The following TSPAN16 variants were observed in gnomAD, a reference collection of about 807,000 sequenced individuals.
TSPAN16 encodes tetraspanin-16.
In TSPAN16, 23 loss-of-function variants were observed where a neutral mutation model predicts 25.2. The ratio of observed to expected loss-of-function variants is 0.91; its 90% CI spans 0.66 to 1.29. The LOEUF is 1.29. Among genes scored for constraint, TSPAN16 ranks in the 50% most tolerant of loss-of-function variants. The pLI is 0.00. For synonymous variants in TSPAN16, 123 were observed against 124.4 expected (o/e 0.99, Z 0.08); for missense variants, 272 against 299.9 (o/e 0.91, Z 0.69).
At chr19:11,316,005 G>C, downstream of TSPAN16, 3 of 1,205,294 alleles carry the variant, frequency 2.5e-6, no homozygotes, top group Non-Finnish European at 2.1e-6. Context: ...TTTCATTTTT[G>C]GCAATGATTT....
chr19:11,296,422 G>T, intron 1 of TSPAN16, 56 bp downstream of exon 1: 2 of 1,561,674 alleles, frequency 1.3e-6, no homozygotes, highest in South Asian at 1.1e-5. Flanking sequence ...TCCACAGTCA[G>T]CTCCCTGAAA....
At chr19:11,322,341 C>T (rs958183087) in intron 6 of TSPAN16, 2 of 150,380 alleles carry the variant, frequency 1.3e-5, no homozygotes, top group East Asian at 1.9e-4. Context: ...CCCAGTCCCC[C>T]GAAAAAGAAG....
At chr19:11,305,516 A>G (rs115891699) in intron 4 of TSPAN16, among the ~76,000 whole-genome samples, 2,180 of 151,770 alleles carry the variant, frequency 0.014, 37 homozygotes, top group African/African-American at 0.048. Flanking sequence ...GGCAACAGAC[A>G]GAGACTGTGT....
intron 4 of TSPAN16, among the ~76,000 whole-genome samples, chr19:11,303,593 A>C (rs936974990): frequency 9.4e-5 from 14 of 148,270 alleles, no homozygotes; most frequent in Non-Finnish European, 1.9e-4. Flanking sequence ...AAAAAAAAAA[A>C]AAAACTCCTG....
intron 2 of TSPAN16, among the ~76,000 whole-genome samples, chr19:11,298,560 G>T (rs765005145): frequency 1.3e-5 from 2 of 151,692 alleles, no homozygotes; most frequent in Non-Finnish European, 2.9e-5. Flanking sequence ...TCAGCCTCCC[G>T]AGTAGCTGGG....
intron 5 of TSPAN16, among the ~76,000 whole-genome samples, chr19:11,309,375 C>CTA (rs2080665830): frequency 6.6e-6 from 1 of 152,250 alleles, no homozygotes; most frequent in African/African-American, 2.4e-5. Context: ...CCACTGGGCC[C>CTA]TACACAACCT....
At chr19:11,320,989 T>A (rs1408555298) in intron 6 of TSPAN16, among the ~76,000 whole-genome samples, 2 of 151,884 alleles carry the variant, frequency 1.3e-5, no homozygotes, top group Admixed American at 6.6e-5. Flanking sequence ...GCCAACGTGG[T>A]GAAACCCCGT....
intron 5 of TSPAN16, among the ~76,000 whole-genome samples, chr19:11,310,587 G>T (rs113601756): frequency 6.6e-6 from 1 of 151,006 alleles, no homozygotes; most frequent in Admixed American, 6.6e-5. Context: ...CCCTGCCAAC[G>T]CACTTTGCCT....
At chr19:11,310,571 A>G (rs916052407) in intron 5 of TSPAN16, among the ~76,000 whole-genome samples, 56 of 151,042 alleles carry the variant, frequency 3.7e-4, no homozygotes, top group African/African-American at 1.4e-3. Flanking sequence ...CATCTTCAGG[A>G]GGATGCCCTG....
At position 11,303,583 on chromosome 19, in the gene TSPAN16, A is replaced by T. The variant is rs866196151; in HGVS notation, c.450+2275A>T. On this transcript the variant is annotated intron_variant, in intron 4 of 6. Coordinates refer to ENST00000590327, the MANE Select transcript of TSPAN16 (RefSeq NM_001282509.2). ...AATAAATAAATAAATAAATTAAAAAAAAAAAAAAAAAAAACTCCTGGCCTC... is the reference window on the plus strand; with the variant it reads ...AATAAATAAATAAATAAATTAAAAATAAAAAAAAAAAAAACTCCTGGCCTC... 1.0e-3 allele frequency among the ~76,000 whole-genome samples: 150 copies of T among 147,264 alleles called. 1 individual carries two copies. The Middle Eastern group carries it at 0.01, about 10-fold the overall frequency.
chr19:11,299,968 ACT>A (rs1190213168), intron 3 of TSPAN16, among the ~76,000 whole-genome samples: 2 of 149,038 alleles, frequency 1.3e-5, no homozygotes. Flanking sequence ...CAAGAGTGAA[ACT>A]CTGTCTCAAA....
chr19:11,316,185 C>T (rs2080748478), downstream of TSPAN16, among the ~76,000 whole-genome samples: 1 of 149,408 alleles, frequency 6.7e-6, no homozygotes, highest in Non-Finnish European at 1.5e-5. Context: ...ATGGCACGAT[C>T]TCAGCTCACT....
At chr19:11,320,590 T>C, downstream of TSPAN16, among the ~76,000 whole-genome samples, 1 of 151,930 alleles carries the variant, frequency 6.6e-6, no homozygotes. Flanking sequence ...GGAGGATCCT[T>C]TGAGTCCAGG....
At chr19:11,307,487 C>T (rs919283656) in intron 5 of TSPAN16, among the ~76,000 whole-genome samples, 1 of 143,158 alleles carries the variant, frequency 7.0e-6, no homozygotes, top group African/African-American at 2.6e-5. Context: ...GGTGCAATCA[C>T]GGCTCACTGC....
chr19:11,325,647 C>G, intron 6 of TSPAN16: 1 of 1,488,246 alleles, frequency 6.7e-7, no homozygotes, highest in Non-Finnish European at 9.2e-7. Context: ...TCAGCTGTGG[C>G]ATCACAGAAA....
intron 6 of TSPAN16, chr19:11,325,551 G>A (rs182872070): frequency 1.5e-5 from 24 of 1,613,314 alleles, no homozygotes; most frequent in Non-Finnish European, 2.0e-5. Flanking sequence ...TCACATTGAT[G>A]TTCTCCTTGG....
downstream of TSPAN16, chr19:11,316,009 A>G: frequency 8.4e-7 from 1 of 1,186,728 alleles, no homozygotes; most frequent in Non-Finnish European, 1.0e-6. Flanking sequence ...ATTTTTGGCA[A>G]TGATTTTACC....
chr19:11,304,984 G>A (rs1169496873), intron 4 of TSPAN16, among the ~76,000 whole-genome samples: 1 of 151,916 alleles, frequency 6.6e-6, no homozygotes, highest in African/African-American at 2.4e-5. Flanking sequence ...TTTGCTCCCT[G>A]TGTTGCCCAG....
rs1216778531 is a variant in TSPAN16, at chr19:11,325,132, C to T, written c.688-1662C>T. 2.1e-5 allele frequency: 8 copies of T among 383,000 alleles called. No individual in the cohort carries two copies. The East Asian group carries it at 3.8e-4, about 18-fold the overall frequency. The allele number at this position is 383,000 out of a possible 1,614,324, so 23.7% of individuals were successfully genotyped here. On this transcript the variant is annotated intron_variant, in intron 6 of 6. Coordinates refer to the TSPAN16 transcript ENST00000316737. ...GCCACCCTCAACACACCCTGGAAAGCAGCAAGCTCATGCACGTCAGTGTCC... is the reference window on the plus strand; with the variant it reads ...GCCACCCTCAACACACCCTGGAAAGTAGCAAGCTCATGCACGTCAGTGTCC...
Sources: allele counts gnomAD v4.1 joint callset (sites outside exome capture counted in the v4.1 genomes callset), GRCh38; gene constraint gnomAD v4.1.1; transcripts MANE v1.5; gene names NCBI Gene and HGNC (gene_info 2026-07-23, HGNC 2026-07-21).